MAGI2: variants seen among roughly 807,000 people sequenced by gnomAD.
MAGI2 encodes membrane-associated guanylate kinase, WW and PDZ domain-containing protein 2.
A neutral mutation model predicts 133.3 loss-of-function variants in MAGI2; 35 were observed. That is an observed-to-expected ratio of 0.26 (90% CI 0.20 to 0.35). MAGI2 has a LOEUF of 0.35. MAGI2 is among the 10% of genes least tolerant of loss of function. The probability of loss-of-function intolerance (pLI) is 1.00; values close to 1 mark genes in which losing one functional copy is unlikely to be tolerated. For missense variants in MAGI2, 1,636 were observed against 1,863.4 expected (o/e 0.88, Z 2.25); for synonymous variants, 729 against 710.6 (o/e 1.03, Z -0.41).
intron 15 of MAGI2, among the ~76,000 whole-genome samples, chr7:78,165,558 T>TC (rs535164635): frequency 1.1e-3 from 175 of 152,234 alleles, no homozygotes; most frequent in Non-Finnish European, 2.2e-3. Flanking sequence ...AAGCGTGTCA[T>TC]CCCTATGACC....
intron 2 of MAGI2, among the ~76,000 whole-genome samples, chr7:78,948,610 G>A (rs971093552): frequency 9.9e-5 from 15 of 152,034 alleles, no homozygotes; most frequent in African/African-American, 3.4e-4. Context: ...TCATTTTATA[G>A]AACGACATTA....
intron 6 of MAGI2, among the ~76,000 whole-genome samples, chr7:78,462,692 G>T (rs1790188148): frequency 6.6e-6 from 1 of 152,158 alleles, no homozygotes; most frequent in African/African-American, 2.4e-5. Context: ...CATATTAAAT[G>T]AATGATTAAT....
intron 1 of MAGI2, among the ~76,000 whole-genome samples, chr7:79,076,994 TA>T (rs1413930799): frequency 6.6e-6 from 1 of 152,216 alleles, no homozygotes; most frequent in Admixed American, 6.5e-5. Context: ...TTACTTTTCC[TA>T]AAATGCCAGG....
At chr7:78,064,328 T>TTGTGTGTGTG (rs3840609) in intron 21 of MAGI2, among the ~76,000 whole-genome samples, 14,880 of 148,490 alleles carry the variant, frequency 0.1, 742 homozygotes, top group Middle Eastern at 0.14. Flanking sequence ...TGTGATGGTT[T>TTGTGTGTGTG]TGTGTGTGTG....
intron 1 of MAGI2, among the ~76,000 whole-genome samples, chr7:79,092,217 T>C (rs539422993): frequency 1.8e-3 from 274 of 152,284 alleles, no homozygotes; most frequent in Non-Finnish European, 3.2e-3. Flanking sequence ...TAATGCAAGT[T>C]AAAATTTTTA....
chr7:79,183,242 T>C (rs1353970380), intron 1 of MAGI2, among the ~76,000 whole-genome samples: 1 of 151,934 alleles, frequency 6.6e-6, no homozygotes, highest in African/African-American at 2.4e-5. Flanking sequence ...ACTTAGGTGA[T>C]GGAGTATTAC....
chr7:78,383,700 C>T (rs926171760), intron 6 of MAGI2, among the ~76,000 whole-genome samples: 1 of 151,938 alleles, frequency 6.6e-6, no homozygotes. Flanking sequence ...AGAGTTTCCC[C>T]TAGGTTTCCT....
chr7:78,215,602 T>C (rs746489932), intron 10 of MAGI2, among the ~76,000 whole-genome samples: 2 of 152,050 alleles, frequency 1.3e-5, no homozygotes, highest in African/African-American at 2.4e-5. Flanking sequence ...GGAAAACGAG[T>C]CCATTCTTTT....
chr7:78,814,165 G>A (rs955669806), intron 2 of MAGI2, among the ~76,000 whole-genome samples: 2 of 152,098 alleles, frequency 1.3e-5, no homozygotes, highest in Admixed American at 1.3e-4. Flanking sequence ...CATAGGATAC[G>A]AGGCTGTGGT....
chr7:78,519,202 G>A (rs1796293225), intron 4 of MAGI2: 1 of 149,742 alleles, frequency 6.7e-6, no homozygotes, highest in Non-Finnish European at 1.5e-5. Flanking sequence ...ATCAGAGGAG[G>A]TCAAAGAAAC....
chr7:78,725,624 C>G (rs1042598254), intron 2 of MAGI2, among the ~76,000 whole-genome samples: 2 of 152,206 alleles, frequency 1.3e-5, no homozygotes, highest in Non-Finnish European at 2.9e-5. Flanking sequence ...CGGTGAAACC[C>G]TGTCTCTATT....
chr7:78,386,741 CAACTTT>C (rs1169436575), intron 6 of MAGI2, among the ~76,000 whole-genome samples: 1 of 152,186 alleles, frequency 6.6e-6, no homozygotes, highest in Non-Finnish European at 1.5e-5. Context: ...CAGGACTCAG[CAACTTT>C]GGAAGACTCT....
At chr7:79,439,464 A>C (rs963880018) in intron 1 of MAGI2, among the ~76,000 whole-genome samples, 6 of 152,048 alleles carry the variant, frequency 3.9e-5, no homozygotes, top group Non-Finnish European at 8.8e-5. Flanking sequence ...TCTCTATATT[A>C]TACCCCTCTG....
chr7:78,636,752 C>T lies in MAGI2; in HGVS notation c.419-9513G>A, dbSNP rs576168572. On this transcript the variant is annotated intron_variant, in intron 2 of 21. Transcript: ENST00000354212. ...GGCGGGGTTTACAGTGAGTCGAGAT[C>T]GTGCCACTGCATTCCAACCTGGGTG... Among the ~76,000 whole-genome samples the T allele has an allele frequency of 2.0e-5, 3 of 152,136 alleles. No individual in the cohort carries two copies. The East Asian group carries it at 5.8e-4, about 29-fold the overall frequency.
intron 9 of MAGI2, among the ~76,000 whole-genome samples, chr7:78,283,537 G>A (rs1795840975): frequency 6.6e-6 from 1 of 152,088 alleles, no homozygotes; most frequent in South Asian, 2.1e-4. Context: ...CCTGACCATT[G>A]TTTTTAAATG....
At chr7:78,336,334 T>G (rs1386355908) in intron 9 of MAGI2, among the ~76,000 whole-genome samples, 1 of 152,204 alleles carries the variant, frequency 6.6e-6, no homozygotes, top group Admixed American at 6.5e-5. Context: ...GTTAATCTTG[T>G]GCCCTTACTT....
chr7:78,162,340 C>T (rs1362073004), intron 15 of MAGI2, among the ~76,000 whole-genome samples: 7 of 140,176 alleles, frequency 5.0e-5, no homozygotes, highest in Admixed American at 3.0e-4. Context: ...GGTGAAACCC[C>T]GTCTCTACTA....
intron 2 of MAGI2, among the ~76,000 whole-genome samples, chr7:78,956,392 A>G (rs1417373155): frequency 8.5e-5 from 13 of 152,204 alleles, no homozygotes; most frequent in African/African-American, 2.9e-4. Context: ...CTCTGCATGC[A>G]TATCTCATAG....
chr7:78,339,144 A>T (rs577635701), intron 9 of MAGI2, among the ~76,000 whole-genome samples: 2 of 152,336 alleles, frequency 1.3e-5, no homozygotes, highest in South Asian at 4.1e-4. Context: ...ACTCCTTGAG[A>T]AACAGTTCTG....
Sources: gnomAD v4.1 joint callset for allele counts (sites outside exome capture counted in the v4.1 genomes callset) on GRCh38, gnomAD v4.1.1 for gene constraint, MANE v1.5 for transcripts, NCBI Gene and HGNC (gene_info 2026-07-23, HGNC 2026-07-21) for gene names.